SGCZ: variants seen among roughly 807,000 people sequenced by gnomAD.
SGCZ encodes sarcoglycan zeta.
In SGCZ, 40 loss-of-function variants were observed where a neutral mutation model predicts 41.3. The observed-to-expected ratio is 0.97, with a 90% CI of 0.75 to 1.26. SGCZ has a LOEUF of 1.26. Among genes scored for constraint, SGCZ ranks in the 50% most tolerant of loss-of-function variants. The pLI is 0.00. For missense variants in SGCZ, 552 were observed against 369.8 expected, an observed-to-expected ratio of 1.49 and a Z score of -4.04; for synonymous variants, 206 against 137.5, an observed-to-expected ratio of 1.50 and a Z score of -3.49.
At chr8:14,875,296 G>T (rs1295255322) in intron 1 of SGCZ, among the ~76,000 whole-genome samples, 4 of 152,130 alleles carry the variant, frequency 2.6e-5, no homozygotes, top group African/African-American at 7.2e-5. Context: ...TTTTGTAAGA[G>T]CGCTAACCCA....
intron 1 of SGCZ, among the ~76,000 whole-genome samples, chr8:14,667,476 A>G (rs573671487): frequency 1.1e-4 from 16 of 152,166 alleles, no homozygotes; most frequent in Non-Finnish European, 1.8e-4. Flanking sequence ...TACCACACCA[A>G]ATTAACTTCC....
At chr8:14,767,016 G>A (rs1392690326) in intron 1 of SGCZ, among the ~76,000 whole-genome samples, 1 of 152,134 alleles carries the variant, frequency 6.6e-6, no homozygotes, top group African/African-American at 2.4e-5. Context: ...AACATCCCAT[G>A]CTTAACAGTT....
intron 1 of SGCZ, among the ~76,000 whole-genome samples, chr8:15,121,223 C>A (rs1046502886): frequency 9.2e-5 from 14 of 152,074 alleles, no homozygotes. Context: ...TTTTAAAAAA[C>A]CAGCATTGTC....
chr8:14,535,649 A>C (rs1028120152), intron 2 of SGCZ, among the ~76,000 whole-genome samples: 1 of 151,922 alleles, frequency 6.6e-6, no homozygotes, highest in Admixed American at 6.6e-5. Context: ...AGATTTACAT[A>C]AGTCACTTAA....
chr8:14,434,321 T>A (rs1261575578), intron 2 of SGCZ, among the ~76,000 whole-genome samples: 2 of 152,218 alleles, frequency 1.3e-5, no homozygotes. Context: ...GATCCATTGG[T>A]CTATGTGCCT....
At position 14,320,514 on chromosome 8, in the gene SGCZ, G is replaced by A. The variant is rs181817279; in HGVS notation, c.336+3589C>T. ...TAGGGTACAGGTGCACAATGTGCAA[G>A]TTTGTTACGTATGTATACAGCTTTT... is the stretch of plus-strand genomic sequence containing the variant. On this transcript the variant is annotated intron_variant, in intron 3 of 7. Coordinates refer to ENST00000382080, the MANE Select transcript of SGCZ (RefSeq NM_139167.4). Among the ~76,000 whole-genome samples, 820 of 151,916 alleles carry A rather than the reference G, an allele frequency of 5.4e-3. 4 individuals are homozygous for A. The highest frequency in any genetic ancestry group is 7.5e-3 in the Non-Finnish European group (506 of 67,918).
intron 5 of SGCZ, among the ~76,000 whole-genome samples, chr8:14,155,482 T>G (rs572112114): frequency 1.3e-5 from 2 of 152,174 alleles, no homozygotes; most frequent in African/African-American, 4.8e-5. Context: ...AAAAAAATCA[T>G]GTCTCATATC....
At chr8:14,245,003 T>C (rs571015395) in intron 3 of SGCZ, among the ~76,000 whole-genome samples, 156 of 152,240 alleles carry the variant, frequency 1.0e-3, no homozygotes, top group African/African-American at 3.4e-3. Flanking sequence ...GCTGAGACAA[T>C]GGGGTTTTCT....
At chr8:14,236,549 GGAAATA>G (rs1806769317) in intron 4 of SGCZ, among the ~76,000 whole-genome samples, 2 of 151,528 alleles carry the variant, frequency 1.3e-5, no homozygotes, top group Non-Finnish European at 2.9e-5. Context: ...TAGAAATATT[GGAAATA>G]TACATTTGCA....
In SGCZ at chr8:14,944,833, CCAT is replaced by C. The variant is rs1342063874; in HGVS notation, c.39+292749_39+292751del. Among the ~76,000 whole-genome samples, 4 of 152,072 alleles carry C rather than the reference CCAT, an allele frequency of 2.6e-5. No individual in the cohort carries two copies. The East Asian group carries it at 7.7e-4, about 29-fold the overall frequency. ...GTACTGAAGGCATATCCCTCTCACA[CCAT>C]CATAAAGTTGAAAAATCATTAAGTC... On this transcript the variant is annotated intron_variant, in intron 1 of 7. Transcript: ENST00000382080.
intron 1 of SGCZ, among the ~76,000 whole-genome samples, chr8:15,137,203 TG>T (rs142361153): frequency 0.038 from 5,722 of 152,278 alleles, 364 homozygotes; most frequent in African/African-American, 0.13. Flanking sequence ...ATTATGCCCC[TG>T]CCCTAGATAT....
At chr8:15,097,863 T>TATATATATATATATATATATAC (rs1563124023) in intron 1 of SGCZ, among the ~76,000 whole-genome samples, 2 of 22,808 alleles carry the variant, frequency 8.8e-5, no homozygotes, top group African/African-American at 2.5e-4. Flanking sequence ...TATACGTGTG[T>TATATATATATATATATATATAC]GTGTATATAT....
At chr8:14,790,897 G>A (rs571259593) in intron 1 of SGCZ, among the ~76,000 whole-genome samples, 27 of 152,006 alleles carry the variant, frequency 1.8e-4, no homozygotes, top group Non-Finnish European at 3.4e-4. Context: ...GCAGGGTGGT[G>A]GTGCGCATCT....
chr8:14,853,235 A>G (rs1803404952), intron 1 of SGCZ, among the ~76,000 whole-genome samples: 1 of 152,202 alleles, frequency 6.6e-6, no homozygotes, highest in Non-Finnish European at 1.5e-5. Context: ...AGAGTGGGGA[A>G]GAGGAGGTAA....
chr8:15,090,953 G>C (rs1454047123), intron 1 of SGCZ, among the ~76,000 whole-genome samples: 3 of 152,038 alleles, frequency 2.0e-5, no homozygotes, highest in Non-Finnish European at 4.4e-5. Flanking sequence ...ATTTTTCCTT[G>C]AACAATTGAG....
intron 1 of SGCZ, among the ~76,000 whole-genome samples, chr8:14,707,184 TC>T (rs1217092655): frequency 1.7e-5 from 1 of 59,868 alleles, no homozygotes; most frequent in African/African-American, 5.6e-5. Context: ...CCCTCCCCCC[TC>T]CCCCCACCCC....
At chr8:14,995,246 A>T (rs1802174735) in intron 1 of SGCZ, among the ~76,000 whole-genome samples, 2 of 152,266 alleles carry the variant, frequency 1.3e-5, no homozygotes, top group Non-Finnish European at 2.9e-5. Context: ...TCTGTGCAGG[A>T]TGGATTAGAA....
intron 2 of SGCZ, among the ~76,000 whole-genome samples, chr8:14,433,850 C>G (rs192035551): frequency 5.9e-5 from 9 of 152,304 alleles, no homozygotes; most frequent in Admixed American, 3.9e-4. Context: ...TCAAATGAAT[C>G]TTCAGGCAAC....
chr8:14,371,768 G>A (rs143687307), intron 2 of SGCZ, among the ~76,000 whole-genome samples: 2 of 151,988 alleles, frequency 1.3e-5, no homozygotes, highest in Non-Finnish European at 2.9e-5. Flanking sequence ...ACAGGTTTAG[G>A]GTGACAAATA....
Sources: allele counts gnomAD v4.1 joint callset (sites outside exome capture counted in the v4.1 genomes callset), GRCh38; gene constraint gnomAD v4.1.1; transcripts MANE v1.5; gene names NCBI Gene and HGNC (gene_info 2026-07-23, HGNC 2026-07-21).